C1RL: variants seen among roughly 807,000 people sequenced by gnomAD.
C1RL encodes the protein complement C1r subcomponent-like protein.
In C1RL, 27 loss-of-function variants were observed where a neutral mutation model predicts 27.9. The ratio of observed to expected loss-of-function variants is 0.97; its 90% CI spans 0.71 to 1.33. C1RL has a LOEUF of 1.33. Among genes scored for constraint, C1RL ranks in the 40% most tolerant of loss-of-function variants. The pLI is 0.00. For missense variants in C1RL, 563 were observed against 623.9 expected (o/e 0.90, Z 1.04); for synonymous variants, 248 against 252.1 (o/e 0.98, Z 0.15).
rs761601272 is a variant in C1RL, at chr12:7,108,270, C to T, written c.281G>A (p.Cys94Tyr). ...GCTCACTGTGACAGAGTCCCCTGCACAGTCCTGGGACGGCTCCAGGTCGAA... is the reference window on the plus strand; with the variant it reads ...GCTCACTGTGACAGAGTCCCCTGCATAGTCCTGGGACGGCTCCAGGTCGAA... Reference protein sequence around the residue: ...QDFDLEPSQDCAGDSVTISFV... With the variant: ...QDFDLEPSQDYAGDSVTISFV... Residue 94 changes from cysteine to tyrosine, a missense_variant, in exon 2 of 6, where the codon TGT (cysteine) becomes TAT (tyrosine). By Grantham distance (194) the Cys-to-Tyr change is radical. Coordinates refer to ENST00000266542, the MANE Select transcript of C1RL (RefSeq NM_016546.4). The T allele has an allele frequency of 6.2e-7, 1 of 1,612,968 alleles. No individual in the cohort carries two copies. Among genetic ancestry groups the T allele is most frequent in the Admixed American group, 1.7e-5 (1 of 59,912 alleles).
In C1RL at chr12:7,095,052, T is replaced by A; in HGVS notation, c.*1339A>T. ...ATTACCTCTCTTCTCTCTTTTATGG[T>A]GTTTATTTTCTATTTCCATTGAACA... On this transcript the variant is annotated 3_prime_UTR_variant, in exon 6 of 6. Coordinates refer to ENST00000266542, the MANE Select transcript of C1RL (RefSeq NM_016546.4). 8.6e-7 allele frequency: 1 copy of A among 1,159,354 alleles called. No homozygotes were observed. Among genetic ancestry groups the A allele is most frequent in the Non-Finnish European group, 1.1e-6 (1 of 928,060 alleles). 71.8% of individuals were successfully genotyped at this position (1,159,354 alleles called of 1,614,324 possible). A position where few individuals can be genotyped will look rare whatever the true frequency, so the allele number is the denominator to read the frequency against.
chr12:7,096,896 T>A lies in C1RL; in HGVS notation c.959A>T (p.His320Leu). 2 of 1,600,118 alleles carry A rather than the reference T, an allele frequency of 1.2e-6. No homozygotes were observed. The highest frequency in any genetic ancestry group is 1.7e-6 in the Non-Finnish European group (2 of 1,171,520). The change falls in exon 6 of 6, where the codon CAC (histidine) becomes CTC (leucine). Residue 320 changes from histidine to leucine, a missense_variant. Physicochemically the swap from His to Leu is moderately conservative, Grantham distance 99 (BLOSUM62 -3). Coordinates refer to ENST00000266542, the MANE Select transcript of C1RL (RefSeq NM_016546.4). ...EMLKLGNHPV[H>L]RVVVHPDYRQ... Reference sequence around the variant, plus strand: ...GTAGTCGGGGTGCACAACGACACGGTGGACAGGGTGGTTCCCCAGTTTCAG... The same window carrying A: ...GTAGTCGGGGTGCACAACGACACGGAGGACAGGGTGGTTCCCCAGTTTCAG...
chr12:7,096,357 C>T lies in C1RL; in HGVS notation c.*34G>A. On this transcript the variant is annotated 3_prime_UTR_variant, in exon 6 of 6. Transcript: ENST00000266542. ...GGCCCTCTGTTGCCTGGGGCCTCCA[C>T]TGTGCTGGTCAGTCCCTGTTCAAGC... The T allele has an allele frequency of 6.5e-7, 1 of 1,534,244 alleles. No homozygotes were observed. Among genetic ancestry groups the T allele is most frequent in the Non-Finnish European group, 8.8e-7 (1 of 1,135,640 alleles).
In C1RL at chr12:7,096,958, C is replaced by T. The variant is rs1938457160; in HGVS notation, c.897G>A (p.Val299=). 1 of 1,613,508 alleles carries T rather than the reference C, an allele frequency of 6.2e-7. No homozygotes were observed. Among genetic ancestry groups the T allele is most frequent in the Admixed American group, 1.7e-5 (1 of 59,978 alleles). ...TGGCTGTGTGGCCCAAGAACACATT[C>T]ACACTCTGGTTCTTCCTGAGAGAAA... ...DSVSLRKNQS[V]NVFLGHTAID... The change falls in exon 6 of 6, where the codon GTG becomes GTA. Residue 299 remains valine, a synonymous_variant. Coordinates refer to ENST00000266542, the MANE Select transcript of C1RL (RefSeq NM_016546.4).
chr12:7,108,205 C>G (rs2135765950), intron 2 of C1RL, 46 bp downstream of exon 2: 1 of 1,444,938 alleles, frequency 6.9e-7, no homozygotes, highest in East Asian at 2.5e-5. Flanking sequence ...CCCCGGGAAT[C>G]TCCCTGGCCA....
At chr12:7,103,150 G>A (rs1467462069) in intron 2 of C1RL, among the ~76,000 whole-genome samples, 1 of 152,224 alleles carries the variant, frequency 6.6e-6, no homozygotes, top group Non-Finnish European at 1.5e-5. Context: ...ATCAGCAAAT[G>A]TAACTCCTGG....
intron 2 of C1RL, 70 bp downstream of exon 2, chr12:7,108,181 G>A: frequency 1.6e-6 from 2 of 1,278,362 alleles, no homozygotes; most frequent in Non-Finnish European, 2.1e-6. Context: ...TCAGGGCACC[G>A]CCACTTCCCA....
At chr12:7,098,697 G>A (rs1241550088) in intron 5 of C1RL, among the ~76,000 whole-genome samples, 1 of 152,182 alleles carries the variant, frequency 6.6e-6, no homozygotes, top group Non-Finnish European at 1.5e-5. Flanking sequence ...ACTGAAAGAA[G>A]CCAGACAGAA....
chr12:7,108,514 C>T, intron 1 of C1RL, 35 bp from the exon 2 acceptor site: 1 of 1,519,434 alleles, frequency 6.6e-7, no homozygotes, highest in Non-Finnish European at 8.9e-7. Flanking sequence ...TGGGGCCGCG[C>T]AGCTATGGCC....
intron 5 of C1RL, 58 bp downstream of exon 5, chr12:7,099,628 A>G (rs1352281027): frequency 6.5e-7 from 1 of 1,544,464 alleles, no homozygotes; most frequent in Non-Finnish European, 8.8e-7. Context: ...TGTGTCCTGT[A>G]GGTCCCAGTT....
chr12:7,108,499 C>A lies in C1RL; in HGVS notation c.72-20G>T, dbSNP rs200463923. 173 of 1,549,650 alleles carry A rather than the reference C, an allele frequency of 1.1e-4. 1 individual carries two copies. The East Asian group carries it at 3.3e-3, about 30-fold the overall frequency. Reference sequence around the variant, plus strand: ...CACCACCTGTGAGTTGGGGGGAGGGCAAGGTGGGGCCGCGCAGCTATGGCC... The same window carrying A: ...CACCACCTGTGAGTTGGGGGGAGGGAAAGGTGGGGCCGCGCAGCTATGGCC... On this transcript the variant is annotated intron_variant, in intron 1 of 5. Coordinates refer to ENST00000266542, the MANE Select transcript of C1RL (RefSeq NM_016546.4).
intron 1 of C1RL, 165 bp downstream of exon 1, chr12:7,108,945 C>CTGG: frequency 1.9e-6 from 1 of 539,450 alleles, no homozygotes; most frequent in South Asian, 1.7e-5. Context: ...GCTGCTGCTG[C>CTGG]TGGTGTGTGT....
In C1RL at chr12:7,096,176, T is replaced by C; in HGVS notation, c.*215A>G. The C allele has an allele frequency of 7.4e-7, 1 of 1,354,368 alleles. No homozygotes were observed. Among genetic ancestry groups the C allele is most frequent in the South Asian group, 1.9e-5 (1 of 53,046 alleles). The allele number at this position is 1,354,368 out of a possible 1,614,324, so 83.9% of individuals were successfully genotyped here. On this transcript the variant is annotated 3_prime_UTR_variant, in exon 6 of 6. Coordinates refer to ENST00000266542, the MANE Select transcript of C1RL (RefSeq NM_016546.4). Reference sequence around the variant, plus strand: ...GGAGGTAGAGGGTGAGGAGGAGCGGTCTGTGGGACTCTGCTTCCTGTCTGG... The same window carrying C: ...GGAGGTAGAGGGTGAGGAGGAGCGGCCTGTGGGACTCTGCTTCCTGTCTGG...
At position 7,096,069 on chromosome 12, in the gene C1RL, T is replaced by C. The variant is rs1938414337; in HGVS notation, c.*322A>G. 1 of 1,098,096 alleles carries C rather than the reference T, an allele frequency of 9.1e-7. No homozygotes were observed. Among genetic ancestry groups the C allele is most frequent in the Non-Finnish European group, 1.1e-6 (1 of 902,646 alleles). 68.0% of individuals were successfully genotyped at this position (1,098,096 alleles called of 1,614,324 possible). On this transcript the variant is annotated 3_prime_UTR_variant, in exon 6 of 6. Coordinates refer to ENST00000266542, the MANE Select transcript of C1RL (RefSeq NM_016546.4). ...ATAAAAGCTGTGTCAACAGATGAAG[T>C]AGGGGAAGGCGGTTCTAAGGACATT...
chr12:7,101,746 C>T, intron 3 of C1RL, 152 bp downstream of exon 3: 1 of 778,652 alleles, frequency 1.3e-6, no homozygotes, highest in Non-Finnish European at 2.1e-6. Flanking sequence ...AATAGGGTTG[C>T]TTGCCAGCAG....
chr12:7,098,598 C>T (rs932374092), intron 5 of C1RL, among the ~76,000 whole-genome samples: 3 of 152,122 alleles, frequency 2.0e-5, no homozygotes, highest in Non-Finnish European at 4.4e-5. Context: ...AACAAAATGG[C>T]GTATCCATAG....
intron 5 of C1RL, chr12:7,099,395 C>G (rs1028622059): frequency 1.1e-6 from 1 of 932,432 alleles, no homozygotes. Context: ...ATGTATGGCA[C>G]AAAAAGAGGG....
chr12:7,108,384 C>A lies in C1RL; in HGVS notation c.167G>T (p.Gly56Val). Residue 56 changes from glycine (G) to valine (V), a missense_variant, in exon 2 of 6, where the codon GGG becomes GTG. By Grantham distance (109) the Gly-to-Val change is moderately radical. Transcript: ENST00000266542. ...GCCTTTGCCATACGGCTCTGGGTAC[C>A]CGGGGGATGTCAGCTGCTGGGGTAG... ...QELPQQLTSP[G>V]YPEPYGKGQE... 6.2e-7 allele frequency: 1 copy of A among 1,614,148 alleles called. No individual in the cohort carries two copies. Among genetic ancestry groups the A allele is most frequent in the African/African-American group, 1.3e-5 (1 of 75,068 alleles).
intron 1 of C1RL, chr12:7,108,856 C>T (rs1938846425): frequency 1.8e-6 from 1 of 556,382 alleles, no homozygotes; most frequent in African/African-American, 1.9e-5. Flanking sequence ...GTAAATATCC[C>T]CCGACCACCC....
Sources: gnomAD v4.1 joint callset for allele counts (sites outside exome capture counted in the v4.1 genomes callset) on GRCh38, gnomAD v4.1.1 for gene constraint, MANE v1.5 for transcripts, NCBI Gene and HGNC (gene_info 2026-07-23, HGNC 2026-07-21) for gene names.